UBE2O: variants seen among roughly 807,000 people sequenced by gnomAD.
The protein encoded by UBE2O is (E3-independent) E2 ubiquitin-conjugating enzyme.
UBE2O carries 15 observed loss-of-function variants against 125.8 expected under a neutral mutation model. The ratio of observed to expected loss-of-function variants is 0.12; its 90% confidence interval spans 0.08 to 0.18. UBE2O has a LOEUF of 0.18. UBE2O is among the 10% of genes least tolerant of loss of function. The pLI is 1.00. For missense variants in UBE2O, 1,280 were observed against 1,723.6 expected, an observed-to-expected ratio of 0.74 and a Z score of 4.56; for synonymous variants, 708 against 703.2, an observed-to-expected ratio of 1.01 and a Z score of -0.11.
Position 76,452,593 on chromosome 17 carries a change from TG to T in UBE2O, c.417+131del. On this transcript the variant is annotated intron_variant, in intron 1 of 17. Coordinates refer to ENST00000319380, the MANE Select transcript of UBE2O (RefSeq NM_022066.4). The surrounding 1 kb of genome is among the most constrained non-coding windows in gnomAD (Gnocchi z 4.4). Reference sequence around the variant, plus strand: ...ACTTTGCATGGAGTGTACCCTCCACTGGGGCTGTCCTCCCGCGTCGGCCACT... The same window carrying T: ...ACTTTGCATGGAGTGTACCCTCCACTGGGCTGTCCTCCCGCGTCGGCCACT... The T allele has an allele frequency of 1.2e-6, 1 of 840,072 alleles. No individual in the cohort carries two copies. The highest frequency in any genetic ancestry group is 1.6e-6 in the Non-Finnish European group (1 of 615,948). 52.0% of individuals were successfully genotyped at this position (840,072 alleles called of 1,614,324 possible). A position where few individuals can be genotyped will look rare whatever the true frequency, so the allele number is the denominator to read the frequency against.
At chr17:76,421,607 C>T (rs912165425) in intron 1 of UBE2O, among the ~76,000 whole-genome samples, 2 of 152,112 alleles carry the variant, frequency 1.3e-5, no homozygotes, top group South Asian at 2.1e-4. Context: ...TCAGGTGATC[C>T]GCCCACCTTG....
Position 76,395,414 on chromosome 17 carries a change from G to C in UBE2O, c.2946+311C>G, listed in dbSNP as rs1052274946. The C allele has an allele frequency of 1.0e-5, 2 of 200,402 alleles. No homozygotes were observed. The highest frequency in any genetic ancestry group is 2.4e-5 in the African/African-American group (1 of 42,236). 12.4% of individuals were successfully genotyped at this position (200,402 alleles called of 1,614,324 possible). ...TCACTGTGTTAGCCAGGATGGTCTCGATCTCCTGACCTCGTGATCCACCCA... is the reference window on the plus strand; with the variant it reads ...TCACTGTGTTAGCCAGGATGGTCTCCATCTCCTGACCTCGTGATCCACCCA... On this transcript the variant is annotated intron_variant, in intron 15 of 17. Transcript: ENST00000319380. This position sits in a 1 kb window ranked among gnomAD's most constrained non-coding sequence, Gnocchi z 5.0.
Position 76,391,827 on chromosome 17 carries a change from G to A in UBE2O, c.3151-14C>T. On this transcript the variant is annotated splice_polypyrimidine_tract_variant and intron_variant, in intron 16 of 17. Transcript: ENST00000319380. The surrounding 1 kb of genome is among the most constrained non-coding windows in gnomAD (Gnocchi z 8.4). ...CCTCTCTGTCCCCTGAAACACACAG[G>A]GCACCATCAATTCTGTTCCCCAGGC... The A allele has an allele frequency of 6.2e-7, 1 of 1,614,000 alleles. No individual in the cohort carries two copies. The highest frequency in any genetic ancestry group is 1.1e-5 in the South Asian group (1 of 91,074).
intron 1 of UBE2O, among the ~76,000 whole-genome samples, chr17:76,415,444 T>C (rs762622595): frequency 9.8e-5 from 15 of 152,320 alleles, no homozygotes; most frequent in South Asian, 2.1e-4. Flanking sequence ...CTTCCTCATT[T>C]GACCTGTCTG....
At position 76,391,910 on chromosome 17, in the gene UBE2O, C is replaced by T. The variant is rs1598577093; in HGVS notation, c.3150G>A (p.Lys1050=). 6.2e-7 allele frequency: 1 copy of T among 1,613,212 alleles called. No individual in the cohort carries two copies. The highest frequency in any genetic ancestry group is 1.1e-5 in the South Asian group (1 of 90,942). The part of the protein sequence containing the change: ...CVSLLGTWIG[K]GTERWTSKSS... ...GCTGGGGGCCTGGCCCTATACTCAC[C>T]TTTCCAATCCAGGTGCCCAGGAGGC... The change falls in exon 16 of 18, where the codon AAG becomes AAA. Residue 1050 remains lysine, a splice_region_variant and synonymous_variant. Coordinates refer to ENST00000319380, the MANE Select transcript of UBE2O (RefSeq NM_022066.4). The surrounding 1 kb of genome is among the most constrained non-coding windows in gnomAD (Gnocchi z 8.4).
chr17:76,428,938 G>A (rs1384527299), intron 1 of UBE2O, among the ~76,000 whole-genome samples: 1 of 143,696 alleles, frequency 7.0e-6, no homozygotes, highest in Non-Finnish European at 1.5e-5. Flanking sequence ...GTCTTGCTCT[G>A]TCGCCCAGGC....
chr17:76,446,022 A>G (rs1202302462), intron 1 of UBE2O, among the ~76,000 whole-genome samples: 1 of 152,220 alleles, frequency 6.6e-6, no homozygotes, highest in South Asian at 2.1e-4. Context: ...ATTAAGTGAG[A>G]AAAGTGATAG....
chr17:76,418,794 C>T (rs567775281), intron 1 of UBE2O, among the ~76,000 whole-genome samples: 1 of 152,150 alleles, frequency 6.6e-6, no homozygotes, highest in Non-Finnish European at 1.5e-5. Flanking sequence ...TGGTCTTGAT[C>T]TCCTGACCTC....
rs2072261346 is a variant in UBE2O, at chr17:76,398,761, C to T, written c.1783+76G>A. On this transcript the variant is annotated intron_variant, in intron 10 of 17. Transcript: ENST00000319380. The surrounding 1 kb of genome is among the most constrained non-coding windows in gnomAD (Gnocchi z 5.4). ...TTTAGCTCTGACCCCAGATCCACTG[C>T]CCATTCTCCACAAGCCCCAACCCGG... 6.4e-7 allele frequency: 1 copy of T among 1,563,476 alleles called. No individual in the cohort carries two copies. The highest frequency in any genetic ancestry group is 8.7e-7 in the Non-Finnish European group (1 of 1,149,928).
In UBE2O at chr17:76,452,355, T is replaced by C. The variant is rs1382685171; in HGVS notation, c.417+370A>G. ...CTGGATGCACAATGCAGTACCGAGC[T>C]CCTTGGGGGTCAGCAAAACGCCGCA... On this transcript the variant is annotated intron_variant, in intron 1 of 17. Coordinates refer to ENST00000319380, the MANE Select transcript of UBE2O (RefSeq NM_022066.4). This position sits in a 1 kb window ranked among gnomAD's most constrained non-coding sequence, Gnocchi z 4.4. Among the ~76,000 whole-genome samples the C allele has an allele frequency of 6.6e-6, 1 of 152,036 alleles. No homozygotes were observed. The highest frequency in any genetic ancestry group is 1.5e-5 in the Non-Finnish European group (1 of 68,006).
intron 1 of UBE2O, among the ~76,000 whole-genome samples, chr17:76,417,762 G>A (rs1428522134): frequency 6.6e-6 from 1 of 152,198 alleles, no homozygotes; most frequent in East Asian, 1.9e-4. Context: ...AGGCCCAGGC[G>A]AGACAGGAGG....
intron 5 of UBE2O, 82 bp downstream of exon 5, chr17:76,401,982 G>C (rs1317750768): frequency 6.9e-7 from 1 of 1,449,872 alleles, no homozygotes; most frequent in East Asian, 2.4e-5. Flanking sequence ...TGTTTAGCTG[G>C]GTCCAGGTCT....
chr17:76,453,091 G>A lies in UBE2O; in HGVS notation c.51C>T (p.Ala17=). Residue 17 remains alanine, a synonymous_variant, in exon 1 of 18, where the codon GCC becomes GCT. Coordinates refer to ENST00000319380, the MANE Select transcript of UBE2O (RefSeq NM_022066.4). ...PTPAAPAPAQ[A]PAPAPEAVPA... ...GGACTGCCTCCGGGGCTGGAGCCGG[G>A]GCCTGGGCTGGAGCGGGAGCTGCGG... 9.4e-7 allele frequency: 1 copy of A among 1,059,160 alleles called. No homozygotes were observed. The highest frequency in any genetic ancestry group is 1.3e-6 in the Non-Finnish European group (1 of 796,278). The allele number at this position is 1,059,160 out of a possible 1,614,324, so 65.6% of individuals were successfully genotyped here. A position where few individuals can be genotyped will look rare whatever the true frequency, so the allele number is the denominator to read the frequency against.
chr17:76,447,573 A>T (rs1003180701), intron 1 of UBE2O, among the ~76,000 whole-genome samples: 1 of 152,220 alleles, frequency 6.6e-6, no homozygotes, highest in African/African-American at 2.4e-5. Flanking sequence ...ACATACATAC[A>T]GATTCATTCC....
In UBE2O at chr17:76,399,884, A is replaced by G. The variant is rs1452727659; in HGVS notation, c.1193T>C (p.Met398Thr). The change falls in exon 9 of 18, where the codon ATG (methionine) becomes ACG (threonine). Residue 398 changes from methionine to threonine, a missense_variant. Coordinates refer to ENST00000319380, the MANE Select transcript of UBE2O (RefSeq NM_022066.4). This position sits in a 1 kb window ranked among gnomAD's most constrained non-coding sequence, Gnocchi z 6.9. Reference sequence around the variant, plus strand: ...ACACTGGGTGTCTGGGGAGCATGACATGATCCGCACAACCTGCTTCTTCAA... The same window carrying G: ...ACACTGGGTGTCTGGGGAGCATGACGTGATCCGCACAACCTGCTTCTTCAA... ...RLLKKQVVRI[M>T]SCSPDTQCSR... 6.2e-7 allele frequency: 1 copy of G among 1,612,376 alleles called. No homozygotes were observed. The highest frequency in any genetic ancestry group is 2.2e-5 in the East Asian group (1 of 44,868).
At chr17:76,397,677 A>G in intron 13 of UBE2O, 122 bp downstream of exon 13, 2 of 971,514 alleles carry the variant, frequency 2.1e-6, no homozygotes, top group Middle Eastern at 2.2e-4. Context: ...CTTTCCCCTC[A>G]CGCTTTCGCT....
In UBE2O at chr17:76,398,929, A is replaced by G; in HGVS notation, c.1691T>C (p.Val564Ala). 6.2e-7 allele frequency: 1 copy of G among 1,614,034 alleles called. No homozygotes were observed. The highest frequency in any genetic ancestry group is 8.5e-7 in the Non-Finnish European group (1 of 1,180,022). The change falls in exon 10 of 18, where the codon GTG becomes GCG. Residue 564 changes from valine to alanine, a missense_variant. By Grantham distance (64) the Val-to-Ala change is moderately conservative. Coordinates refer to ENST00000319380, the MANE Select transcript of UBE2O (RefSeq NM_022066.4). The surrounding 1 kb of genome is among the most constrained non-coding windows in gnomAD (Gnocchi z 5.4). ...SADVMWQDGS[V>A]ECNIRSNDLF... ...GTCGTTGGAGCGGATGTTGCATTCC[A>G]CGGAGCCATCCTGCCACATCACGTC...
Position 76,402,599 on chromosome 17 carries a change from T to G in UBE2O, c.686+3A>C. 1 of 1,613,702 alleles carries G rather than the reference T, an allele frequency of 6.2e-7. No individual in the cohort carries two copies. The highest frequency in any genetic ancestry group is 1.7e-5 in the Admixed American group (1 of 60,012). On this transcript the variant is annotated splice_donor_region_variant and intron_variant, in intron 4 of 17. Transcript: ENST00000319380. The surrounding 1 kb of genome is among the most constrained non-coding windows in gnomAD (Gnocchi z 5.4). Reference sequence around the variant, plus strand: ...CGATGGCTCTCTGGTGGTGAGACTCTACCTGGCGCCGTTGGATAGCTTCAG... The same window carrying G: ...CGATGGCTCTCTGGTGGTGAGACTCGACCTGGCGCCGTTGGATAGCTTCAG...
rs535379947 is a variant in UBE2O at position 76,452,397 on chromosome 17, C to G, written c.417+328G>C. 6.5e-4 allele frequency among the ~76,000 whole-genome samples: 99 copies of G among 152,162 alleles called. No individual in the cohort carries two copies. The highest frequency in any genetic ancestry group is 1.2e-3 in the Non-Finnish European group (81 of 68,032). On this transcript the variant is annotated intron_variant, in intron 1 of 17. Transcript: ENST00000319380. The surrounding 1 kb of genome is among the most constrained non-coding windows in gnomAD (Gnocchi z 4.4). ...AACGCCGCACTGGTGTAACGCCGAA[C>G]GCGCCCCAGAACCTGAGTCCCCACG... is the stretch of plus-strand genomic sequence containing the variant.
Sources: gnomAD v4.1 joint callset for allele counts (sites outside exome capture counted in the v4.1 genomes callset) on GRCh38, gnomAD v4.1.1 for gene constraint, Gnocchi (gnomAD v3.1) non-coding constraint, MANE v1.5 for transcripts, NCBI Gene and HGNC (gene_info 2026-07-23, HGNC 2026-07-21) for gene names.